COMMD10: variants seen among roughly 807,000 people sequenced by gnomAD.
The protein encoded by COMMD10 is COMM domain-containing protein 10.
A neutral mutation model predicts 28.9 loss-of-function variants in COMMD10; 33 were observed. That is an observed-to-expected ratio of 1.14 (90% confidence interval 0.87 to 1.53). The LOEUF is 1.53. COMMD10 is among the 40% of genes most tolerant of loss of function. The pLI is 0.00. For missense variants in COMMD10, 310 were observed against 233.4 expected, an observed-to-expected ratio of 1.33 and a Z score of -2.14; for synonymous variants, 110 against 81.7, an observed-to-expected ratio of 1.35 and a Z score of -1.87.
chr5:116,177,263 T>C (rs954219827), intron 5 of COMMD10, among the ~76,000 whole-genome samples: 7 of 151,558 alleles, frequency 4.6e-5, no homozygotes, highest in Non-Finnish European at 1.0e-4. Context: ...ACATTTGGAA[T>C]GGGTTTTGAG....
chr5:116,095,999 A>G (rs1014598083), intron 4 of COMMD10, among the ~76,000 whole-genome samples: 1 of 152,096 alleles, frequency 6.6e-6, no homozygotes, highest in African/African-American at 2.4e-5. Flanking sequence ...ACACTGCCTT[A>G]ATTATTATAG....
At chr5:116,193,592 G>A (rs1477672913) in intron 5 of COMMD10, among the ~76,000 whole-genome samples, 10 of 152,070 alleles carry the variant, frequency 6.6e-5, no homozygotes. Context: ...ATTATGTAAT[G>A]GTAAAAGGCC....
At chr5:116,267,126 G>A (rs1450973001) in intron 5 of COMMD10, among the ~76,000 whole-genome samples, 1 of 151,828 alleles carries the variant, frequency 6.6e-6, no homozygotes, top group African/African-American at 2.4e-5. Context: ...GAAATAAAGG[G>A]TAGTCAATTA....
chr5:116,205,794 G>T (rs750845331), intron 5 of COMMD10, among the ~76,000 whole-genome samples: 1 of 152,066 alleles, frequency 6.6e-6, no homozygotes, highest in African/African-American at 2.4e-5. Flanking sequence ...TAAGTGTTAA[G>T]AACACTTGAG....
chr5:116,152,294 A>T (rs1312858467), intron 5 of COMMD10, among the ~76,000 whole-genome samples: 1 of 152,024 alleles, frequency 6.6e-6, no homozygotes, highest in East Asian at 1.9e-4. Context: ...GAAGAAGAAT[A>T]CCACTTCCTT....
intron 5 of COMMD10, among the ~76,000 whole-genome samples, chr5:116,193,272 A>T (rs908784988): frequency 2.0e-5 from 3 of 152,200 alleles, no homozygotes; most frequent in African/African-American, 7.2e-5. Context: ...AAAACAAAGT[A>T]CGCAGGCAAC....
At chr5:116,100,885 C>T (rs1678084262) in intron 4 of COMMD10, among the ~76,000 whole-genome samples, 2 of 152,092 alleles carry the variant, frequency 1.3e-5, no homozygotes, top group South Asian at 4.2e-4. Context: ...CATTATCCAC[C>T]CTCGCAGCAC....
Position 116,189,413 on chromosome 5 carries a change from C to T in COMMD10, c.510+55235C>T, listed in dbSNP as rs183284817. On this transcript the variant is annotated intron_variant, in intron 5 of 6. Transcript: ENST00000274458. ...GGTGCCACATTCTCAGCAGAGGCTT[C>T]CTAGGCTGTCTTTTTTCCAGCATGA... Among the ~76,000 whole-genome samples, 27 of 152,202 alleles carry T rather than the reference C, an allele frequency of 1.8e-4. No homozygotes were observed. The East Asian group carries it at 5.0e-3, about 28-fold the overall frequency.
chr5:116,185,085 A>G (rs1439264493), intron 5 of COMMD10, among the ~76,000 whole-genome samples: 4 of 152,156 alleles, frequency 2.6e-5, no homozygotes, highest in Non-Finnish European at 1.5e-5. Context: ...AACAAGTCCT[A>G]CTGCTAAGTA....
chr5:116,147,054 A>G (rs1408795398), intron 5 of COMMD10, among the ~76,000 whole-genome samples: 6 of 151,776 alleles, frequency 4.0e-5, no homozygotes, highest in African/African-American at 1.5e-4. Context: ...CCATCCCGAG[A>G]TAGCTAATGA....
intron 5 of COMMD10, chr5:116,218,080 A>AT: frequency 7.9e-7 from 1 of 1,269,692 alleles, no homozygotes; most frequent in Non-Finnish European, 1.1e-6. Context: ...TGACATCTCC[A>AT]TTTTCTGCAG....
chr5:116,257,861 A>G lies in COMMD10; in HGVS notation c.511-33656A>G, dbSNP rs539664249. 1.8e-4 allele frequency among the ~76,000 whole-genome samples: 28 copies of G among 151,794 alleles called. No homozygotes were observed. In the East Asian group the frequency reaches 4.7e-3, roughly 25 times the overall value. ...AAGGTAAAGATTTTGTGGTCATCTG[A>G]ATTTTGGGAGAAGTAATTTTCCAAG... On this transcript the variant is annotated intron_variant, in intron 5 of 6. Coordinates refer to ENST00000274458, the MANE Select transcript of COMMD10 (RefSeq NM_016144.4).
At chr5:116,171,354 A>G (rs1366080995) in intron 5 of COMMD10, among the ~76,000 whole-genome samples, 1 of 152,202 alleles carries the variant, frequency 6.6e-6, no homozygotes, top group Non-Finnish European at 1.5e-5. Flanking sequence ...GTGTGGAGAA[A>G]TAGAAATGCT....
intron 5 of COMMD10, among the ~76,000 whole-genome samples, chr5:116,266,513 T>G: frequency 6.6e-6 from 1 of 151,872 alleles, no homozygotes; most frequent in East Asian, 1.9e-4. Flanking sequence ...TGAACTTTGA[T>G]GCAGTAGTAG....
At chr5:116,140,524 A>G (rs2112780877) in intron 5 of COMMD10, among the ~76,000 whole-genome samples, 1 of 151,990 alleles carries the variant, frequency 6.6e-6, no homozygotes, top group Non-Finnish European at 1.5e-5. Context: ...TGGCTATACC[A>G]ATTTACATTT....
intron 5 of COMMD10, among the ~76,000 whole-genome samples, chr5:116,275,591 G>T (rs1227237532): frequency 6.6e-6 from 1 of 151,710 alleles, no homozygotes. Flanking sequence ...CAACACCCTA[G>T]CGTGTTGCTC....
intron 5 of COMMD10, among the ~76,000 whole-genome samples, chr5:116,204,369 A>G (rs1010812710): frequency 2.0e-5 from 3 of 152,182 alleles, no homozygotes; most frequent in South Asian, 4.1e-4. Flanking sequence ...ATAGGGAAAT[A>G]TTACAGTGAG....
chr5:116,217,423 C>T (rs1019224628), intron 5 of COMMD10, among the ~76,000 whole-genome samples: 1 of 152,212 alleles, frequency 6.6e-6, no homozygotes, highest in African/African-American at 2.4e-5. Flanking sequence ...TGAGGGTTGA[C>T]ATGTCACATT....
At chr5:116,100,019 A>G (rs375668756) in intron 4 of COMMD10, among the ~76,000 whole-genome samples, 1 of 152,178 alleles carries the variant, frequency 6.6e-6, no homozygotes, top group African/African-American at 2.4e-5. Flanking sequence ...TTATGTTTCA[A>G]ATACACCTTA....
Sources: allele counts gnomAD v4.1 joint callset (sites outside exome capture counted in the v4.1 genomes callset), GRCh38; gene constraint gnomAD v4.1.1; transcripts MANE v1.5; gene names NCBI Gene and HGNC (gene_info 2026-07-23, HGNC 2026-07-21).